The following SPTLC3 variants were observed in gnomAD, a reference collection of about 807,000 sequenced individuals.
SPTLC3 encodes the protein serine palmitoyltransferase long chain base subunit 3.
Under a neutral mutation model 59.3 loss-of-function variants are expected in SPTLC3, and 36 were observed. The observed-to-expected ratio is 0.61, with a 90% CI of 0.47 to 0.80. The LOEUF is 0.80. Ranked by LOEUF, SPTLC3 falls within the 30% of genes least tolerant of loss-of-function variation. The pLI is 0.00. For synonymous variants in SPTLC3, 257 were observed against 240.8 expected, an observed-to-expected ratio of 1.07 and a Z score of -0.62; for missense variants, 625 against 685.1, an observed-to-expected ratio of 0.91 and a Z score of 0.98.
Position 13,160,110 on chromosome 20 carries a change from A to G in SPTLC3, c.1523A>G (p.His508Arg). The change falls in exon 11 of 12, where the codon CAT becomes CGT. Residue 508 changes from histidine (H) to arginine (R), a missense_variant. By Grantham distance (29) the His-to-Arg change is conservative. Transcript: ENST00000399002. ...GCTCGGTTTTGTGTTTCAGCGGCACATACCCGGGAGATGTTAGACACGGTG... is the reference window on the plus strand; with the variant it reads ...GCTCGGTTTTGTGTTTCAGCGGCACGTACCCGGGAGATGTTAGACACGGTG... ...ARARFCVSAA[H>R]TREMLDTVLE... The G allele has an allele frequency of 6.2e-7, 1 of 1,613,964 alleles. No individual in the cohort carries two copies.
intron 2 of SPTLC3, among the ~76,000 whole-genome samples, chr20:13,055,777 T>G (rs1987696624): frequency 6.6e-6 from 1 of 152,024 alleles, no homozygotes; most frequent in Non-Finnish European, 1.5e-5. Context: ...GATCAGCACC[T>G]GTGAGGCAGA....
At chr20:13,027,959 C>G (rs1306545414) in intron 1 of SPTLC3, among the ~76,000 whole-genome samples, 1 of 152,116 alleles carries the variant, frequency 6.6e-6, no homozygotes, top group African/African-American at 2.4e-5. Context: ...GAGTCTTTGA[C>G]CAGCCTCAGC....
At chr20:13,097,624 C>A (rs369562120) in intron 6 of SPTLC3, among the ~76,000 whole-genome samples, 3 of 152,234 alleles carry the variant, frequency 2.0e-5, no homozygotes, top group East Asian at 1.9e-4. Context: ...CAGTGAGGGG[C>A]AGATGGACCC....
chr20:13,142,435 C>T (rs990847026), intron 9 of SPTLC3, among the ~76,000 whole-genome samples: 1 of 152,174 alleles, frequency 6.6e-6, no homozygotes, highest in African/African-American at 2.4e-5. Context: ...TAGCATCTTC[C>T]AGGGTAAAGG....
At chr20:13,074,189 C>T in intron 3 of SPTLC3, 160 bp from the exon 4 acceptor site, 2 of 957,840 alleles carry the variant, frequency 2.1e-6, no homozygotes. Context: ...TGAACCACCT[C>T]CTGCCAGCTC....
chr20:13,039,092 T>G (rs1986862692), intron 1 of SPTLC3, among the ~76,000 whole-genome samples: 1 of 152,098 alleles, frequency 6.6e-6, no homozygotes, highest in African/African-American at 2.4e-5. Flanking sequence ...AAATGTGTAT[T>G]TTGCTGTTTT....
At chr20:13,134,805 T>A (rs1010335927) in intron 9 of SPTLC3, among the ~76,000 whole-genome samples, 1 of 152,098 alleles carries the variant, frequency 6.6e-6, no homozygotes, top group Admixed American at 6.5e-5. Context: ...GGCAGAAGAA[T>A]AAGAAAAAGC....
chr20:13,021,515 C>A (rs924112231), intron 1 of SPTLC3, among the ~76,000 whole-genome samples: 3 of 151,046 alleles, frequency 2.0e-5, no homozygotes, highest in African/African-American at 7.3e-5. Flanking sequence ...GCTACTCACT[C>A]TGTAAATCAC....
chr20:13,057,498 C>G (rs1987776663), intron 2 of SPTLC3, among the ~76,000 whole-genome samples: 1 of 152,160 alleles, frequency 6.6e-6, no homozygotes, highest in Non-Finnish European at 1.5e-5. Context: ...GTTGTCCAAA[C>G]TTATCTCTAT....
chr20:13,026,106 A>G (rs2122409125), intron 1 of SPTLC3, among the ~76,000 whole-genome samples: 1 of 152,210 alleles, frequency 6.6e-6, no homozygotes, highest in Middle Eastern at 3.4e-3. Flanking sequence ...TGTGTAACAC[A>G]TTTTCTTTAT....
At chr20:13,131,377 C>T (rs2038117329) in intron 9 of SPTLC3, among the ~76,000 whole-genome samples, 1 of 152,110 alleles carries the variant, frequency 6.6e-6, no homozygotes, top group South Asian at 2.1e-4. Flanking sequence ...AAGTCACTTT[C>T]CCTCTCTTGG....
chr20:13,089,777 T>C (rs6109690), intron 4 of SPTLC3, among the ~76,000 whole-genome samples: 83,898 of 140,990 alleles, frequency 0.6, 24,920 homozygotes, highest in Middle Eastern at 0.68. Context: ...CAGAGCGAGA[T>C]TCTATCTCAA....
At chr20:13,032,761 T>C (rs1391624816) in intron 1 of SPTLC3, among the ~76,000 whole-genome samples, 1 of 152,200 alleles carries the variant, frequency 6.6e-6, no homozygotes, top group Non-Finnish European at 1.5e-5. Context: ...CACTCACCAC[T>C]CTGGCTGCAC....
In SPTLC3 at chr20:13,165,103, C is replaced by CACAA. The variant is rs2038967821; in HGVS notation, c.*239_*240insAACA. 2.4e-6 allele frequency: 1 copy of CACAA among 419,806 alleles called. No individual in the cohort carries two copies. Among genetic ancestry groups the CACAA allele is most frequent in the African/African-American group, 2.0e-5 (1 of 49,948 alleles). The allele number at this position is 419,806 out of a possible 1,614,324, so 26.0% of individuals were successfully genotyped here. On this transcript the variant is annotated 3_prime_UTR_variant, in exon 12 of 12. Transcript: ENST00000399002. Reference sequence around the variant, plus strand: ...TTCCAAGTATTCTACTAGAAATACACACACACACACACACACACTTCTGAG... The same window carrying CACAA: ...TTCCAAGTATTCTACTAGAAATACACACAAACACACACACACACACACTTCTGAG...
intron 9 of SPTLC3, among the ~76,000 whole-genome samples, chr20:13,134,966 G>GT: frequency 6.6e-6 from 1 of 152,300 alleles, no homozygotes. Flanking sequence ...AGGAAAGGGA[G>GT]TTTTGCTTAT....
chr20:13,018,782 A>C (rs1378085780), intron 1 of SPTLC3, among the ~76,000 whole-genome samples: 1 of 152,174 alleles, frequency 6.6e-6, no homozygotes, highest in African/African-American at 2.4e-5. Context: ...AAATATATTT[A>C]ATGTTTTTAG....
At chr20:13,120,730 T>C (rs1390135378) in intron 8 of SPTLC3, among the ~76,000 whole-genome samples, 1 of 152,250 alleles carries the variant, frequency 6.6e-6, no homozygotes, top group Admixed American at 6.5e-5. Context: ...ACAGAGGTTT[T>C]GTTTTTATCT....
intron 9 of SPTLC3, among the ~76,000 whole-genome samples, chr20:13,127,977 A>G (rs1393992388): frequency 6.6e-6 from 1 of 152,198 alleles, no homozygotes; most frequent in Non-Finnish European, 1.5e-5. Flanking sequence ...ATTCACTCGT[A>G]TGTGGCCTTA....
At chr20:13,021,333 T>C (rs1026234726) in intron 1 of SPTLC3, among the ~76,000 whole-genome samples, 5 of 152,200 alleles carry the variant, frequency 3.3e-5, no homozygotes, top group African/African-American at 1.2e-4. Flanking sequence ...TCTGATCTTG[T>C]TTCATCATGT....
Sources: allele counts gnomAD v4.1 joint callset (sites outside exome capture counted in the v4.1 genomes callset), GRCh38; gene constraint gnomAD v4.1.1; transcripts MANE v1.5; gene names NCBI Gene and HGNC (gene_info 2026-07-23, HGNC 2026-07-21).